COMP: variants seen among roughly 807,000 people sequenced by gnomAD.
The protein encoded by COMP is cartilage oligomeric matrix protein.
A neutral mutation model predicts 95.8 loss-of-function variants in COMP; 79 were observed. The observed-to-expected ratio is 0.82, with a 90% CI of 0.69 to 0.99. COMP has a LOEUF of 0.99. Ranked by LOEUF, COMP falls within the 50% of genes least tolerant of loss-of-function variation. The probability of loss-of-function intolerance (pLI) is 0.00; values close to 1 mark genes in which losing one functional copy is unlikely to be tolerated. For missense variants in COMP, 906 were observed against 1,076.1 expected (o/e 0.84, Z 2.21); for synonymous variants, 438 against 433.9 (o/e 1.01, Z -0.12).
chr19:18,788,637 C>T lies in COMP; in HGVS notation c.717G>A (p.Glu239=). The T allele has an allele frequency of 6.5e-7, 1 of 1,547,410 alleles. No homozygotes were observed. The highest frequency in any genetic ancestry group is 1.4e-5 in the African/African-American group (1 of 73,166). ...CPDGSPSECH[E]HADCVLERDG... is the part of the protein sequence containing the mutation. ...CGCGCTCTAGGACGCAGTCTGCATG[C>T]TCGTGGCACTCGCTGGGCGAGCCGT... is the stretch of plus-strand genomic sequence containing the variant. Residue 239 remains glutamate, a synonymous_variant, in exon 7 of 19, where the codon GAG becomes GAA. Coordinates refer to ENST00000222271, the MANE Select transcript of COMP (RefSeq NM_000095.3). The surrounding 1 kb of genome is among the most constrained non-coding windows in gnomAD (Gnocchi z 4.7).
chr19:18,791,028 C>G, intron 1 of COMP, 93 bp from the exon 2 acceptor site: 1 of 1,522,646 alleles, frequency 6.6e-7, no homozygotes. Context: ...CTCCGAGGCC[C>G]CACTGCGCTC....
chr19:18,786,093 C>G lies in COMP; in HGVS notation c.1361G>C (p.Ser454Thr). ...ATCGTGGTCTGAGTCCTCCTGGGCACTGTTAGGCACCGTGGGACAGTTGTC... is the reference window on the plus strand; with the variant it reads ...ATCGTGGTCTGAGTCCTCCTGGGCAGTGTTAGGCACCGTGGGACAGTTGTC... Reference protein sequence around the residue: ...SRDNCPTVPNSAQEDSDHDGQ... With the variant: ...SRDNCPTVPNTAQEDSDHDGQ... The change falls in exon 13 of 19, where the codon AGT becomes ACT. Residue 454 changes from serine to threonine, a missense_variant. Coordinates refer to ENST00000222271, the MANE Select transcript of COMP (RefSeq NM_000095.3). 6.2e-7 allele frequency: 1 copy of G among 1,614,176 alleles called. No homozygotes were observed. The highest frequency in any genetic ancestry group is 8.5e-7 in the Non-Finnish European group (1 of 1,180,044).
At chr19:18,790,291 C>A (rs1044238725) in intron 3 of COMP, among the ~76,000 whole-genome samples, 177 bp from the exon 4 acceptor site, 7 of 150,376 alleles carry the variant, frequency 4.7e-5, no homozygotes, top group Non-Finnish European at 8.9e-5. Flanking sequence ...GCGCTCTGAC[C>A]GCGGGGTCTC....
intron 10 of COMP, chr19:18,787,162 G>A (rs971645856): frequency 4.3e-6 from 2 of 461,944 alleles, no homozygotes; most frequent in African/African-American, 2.0e-5. Flanking sequence ...CTGGGTGCCC[G>A]TGTGTGCCAC....
rs779823081 is a variant in COMP, at chr19:18,787,524, C to T, written c.1102G>A (p.Gly368Ser). The change falls in exon 10 of 19, where the codon GGC (glycine) becomes AGC (serine). Residue 368 changes from glycine (G) to serine (S), a missense_variant. Physicochemically the swap from Gly to Ser is moderately conservative, Grantham distance 56. Transcript: ENST00000222271. ...DQKDTDQDGR[G>S]DACDDDIDGD... Reference sequence around the variant, plus strand: ...TCGATGTCGTCGTCGCACGCATCGCCCCGGCCGTCCTGGTCTGTGTCCTTT... The same window carrying T: ...TCGATGTCGTCGTCGCACGCATCGCTCCGGCCGTCCTGGTCTGTGTCCTTT... The T allele has an allele frequency of 2.5e-6, 4 of 1,613,718 alleles. No homozygotes were observed. Among genetic ancestry groups the T allele is most frequent in the Non-Finnish European group, 3.4e-6 (4 of 1,180,040 alleles).
In COMP at chr19:18,785,526, T is replaced by C; in HGVS notation, c.1689A>G (p.Thr563=). 1 of 1,613,976 alleles carries C rather than the reference T, an allele frequency of 6.2e-7. No homozygotes were observed. The highest frequency in any genetic ancestry group is 8.5e-7 in the Non-Finnish European group (1 of 1,180,012). The change falls in exon 15 of 19, where the codon ACA becomes ACG. Residue 563 remains threonine, a synonymous_variant. Coordinates refer to ENST00000222271, the MANE Select transcript of COMP (RefSeq NM_000095.3). ...CAGCCAGGCCTGGGTCGCTGTTCATTGTCTGCACGATCTCCCTTCCCTGAT... is the reference window on the plus strand; with the variant it reads ...CAGCCAGGCCTGGGTCGCTGTTCATCGTCTGCACGATCTCCCTTCCCTGAT... ...VLNQGREIVQ[T]MNSDPGLAVG... is the part of the protein sequence containing the mutation.
intron 11 of COMP, 26 bp from the exon 12 acceptor site, chr19:18,786,317 CA>C: frequency 6.2e-7 from 1 of 1,613,524 alleles, no homozygotes; most frequent in Non-Finnish European, 8.5e-7. Context: ...TGCGGGGGTC[CA>C]TAATCAGACA....
intron 9 of COMP, 78 bp from the exon 10 acceptor site, chr19:18,787,728 A>G: frequency 6.3e-7 from 1 of 1,588,950 alleles, no homozygotes; most frequent in Non-Finnish European, 8.6e-7. Context: ...CAAATCTCCG[A>G]GGACGCGTCT....
In COMP at chr19:18,788,279, A is replaced by G. The variant is rs746239398; in HGVS notation, c.908T>C (p.Val303Ala). The G allele has an allele frequency of 1.2e-6, 2 of 1,612,964 alleles. No individual in the cohort carries two copies. The highest frequency in any genetic ancestry group is 2.7e-5 in the African/African-American group (2 of 74,906). Residue 303 changes from valine (V) to alanine (A), a missense_variant, in exon 9 of 19, where the codon GTG becomes GCG. By Grantham distance (64) the Val-to-Ala change is moderately conservative. Coordinates refer to ENST00000222271, the MANE Select transcript of COMP (RefSeq NM_000095.3). This position sits in a 1 kb window ranked among gnomAD's most constrained non-coding sequence, Gnocchi z 4.7. ...GGCGTCTCCGATGCCATCGCGGTCCACATCCTCCTGCCCTGAGTTGGGCAC... is the reference window on the plus strand; with the variant it reads ...GGCGTCTCCGATGCCATCGCGGTCCGCATCCTCCTGCCCTGAGTTGGGCAC... ...VTVPNSGQED[V>A]DRDGIGDACD...
chr19:18,783,673 G>C (rs567344403), intron 17 of COMP, among the ~76,000 whole-genome samples: 3 of 149,850 alleles, frequency 2.0e-5, no homozygotes, highest in Non-Finnish European at 4.4e-5. Context: ...GCAATGGCAC[G>C]ATCTCCACTC....
rs769571018 is a variant in COMP at position 18,790,833 on chromosome 19, G to A, written c.165+17C>T. Reference sequence around the variant, plus strand: ...TCCGTTCCCTGGCACTCCCTGCCCCGCACCCGGGCCCCGCACCTGCTGCCG... The same window carrying A: ...TCCGTTCCCTGGCACTCCCTGCCCCACACCCGGGCCCCGCACCTGCTGCCG... On this transcript the variant is annotated intron_variant, in intron 2 of 18. Transcript: ENST00000222271. The A allele has an allele frequency of 5.3e-5, 83 of 1,553,748 alleles. No homozygotes were observed. Among genetic ancestry groups the A allele is most frequent in the Non-Finnish European group, 6.6e-5 (76 of 1,152,734 alleles).
chr19:18,785,571 C>T (rs1014333535), intron 14 of COMP, 25 bp from the exon 15 acceptor site: 3 of 1,613,896 alleles, frequency 1.9e-6, no homozygotes, highest in African/African-American at 2.7e-5. Flanking sequence ...GAAAGGAGGG[C>T]CTCAGGCTGG....
intron 12 of COMP, 24 bp downstream of exon 12, chr19:18,786,215 G>T (rs2055166203): frequency 6.2e-7 from 1 of 1,613,992 alleles, no homozygotes; most frequent in African/African-American, 1.3e-5. Flanking sequence ...CTACCCGGAC[G>T]CCCACCCCAG....
rs560887859 is a variant in COMP at position 18,789,572 on chromosome 19, G to C, written c.391-275C>G. On this transcript the variant is annotated intron_variant, in intron 4 of 18. Transcript: ENST00000222271. This position sits in a 1 kb window ranked among gnomAD's most constrained non-coding sequence, Gnocchi z 6.1. ...AGAGGGGGGCAGGGGTCGTCGGGGCGTGCGTGCCCGGCGGTGGCGGGGGGT... is the reference window on the plus strand; with the variant it reads ...AGAGGGGGGCAGGGGTCGTCGGGGCCTGCGTGCCCGGCGGTGGCGGGGGGT... 8.3e-4 allele frequency among the ~76,000 whole-genome samples: 126 copies of C among 152,022 alleles called. 1 individual carries two copies. Among genetic ancestry groups the C allele is most frequent in the African/African-American group, 3.0e-3 (124 of 41,454 alleles).
chr19:18,789,804 G>A lies in COMP; in HGVS notation c.390+138C>T. 8.9e-7 allele frequency: 1 copy of A among 1,122,728 alleles called. No homozygotes were observed. The highest frequency in any genetic ancestry group is 2.8e-4 in the Middle Eastern group (1 of 3,584). The allele number at this position is 1,122,728 out of a possible 1,614,324, so 69.5% of individuals were successfully genotyped here. A position where few individuals can be genotyped will look rare whatever the true frequency, so the allele number is the denominator to read the frequency against. On this transcript the variant is annotated intron_variant, in intron 4 of 18. Coordinates refer to ENST00000222271, the MANE Select transcript of COMP (RefSeq NM_000095.3). This position sits in a 1 kb window ranked among gnomAD's most constrained non-coding sequence, Gnocchi z 6.1. Reference sequence around the variant, plus strand: ...GGCGTCCCCCCGCGGTAAGGAGGTAGTCTGGCCGTGCGCCCCCGGAGGTGA... The same window carrying A: ...GGCGTCCCCCCGCGGTAAGGAGGTAATCTGGCCGTGCGCCCCCGGAGGTGA...
rs566112479 is a variant in COMP at position 18,785,709 on chromosome 19, G to T, written c.1632C>A (p.Asp544Glu). 3.7e-6 allele frequency: 6 copies of T among 1,613,364 alleles called. No individual in the cohort carries two copies. The highest frequency in any genetic ancestry group is 3.3e-5 in the Admixed American group (2 of 60,028). ...CCACCCAGTTGGGGTCAATCTGCGC[G>T]TCACCCTCCGGGTCCAGCACGACTG... ...FQTVVLDPEG[D>E]AQIDPNWVVL... The change falls in exon 14 of 19, where the codon GAC becomes GAA. Residue 544 changes from aspartate to glutamate, a missense_variant. Physicochemically the swap from Asp to Glu is conservative, Grantham distance 45. Coordinates refer to ENST00000222271, the MANE Select transcript of COMP (RefSeq NM_000095.3).
At position 18,789,239 on chromosome 19, in the gene COMP, C is replaced by T; in HGVS notation, c.449G>A (p.Arg150His). 6.5e-7 allele frequency: 1 copy of T among 1,528,544 alleles called. No individual in the cohort carries two copies. The highest frequency in any genetic ancestry group is 2.3e-5 in the East Asian group (1 of 43,944). 94.7% of individuals were successfully genotyped at this position (1,528,544 alleles called of 1,614,324 possible). A position where few individuals can be genotyped will look rare whatever the true frequency, so the allele number is the denominator to read the frequency against. The change falls in exon 5 of 19, where the codon CGC (arginine) becomes CAC (histidine). Residue 150 changes from arginine to histidine, a missense_variant. Arg to His is a conservative substitution (Grantham distance 29). Coordinates refer to ENST00000222271, the MANE Select transcript of COMP (RefSeq NM_000095.3). This position sits in a 1 kb window ranked among gnomAD's most constrained non-coding sequence, Gnocchi z 6.1. ...VRCINTSPGF[R>H]CEACPPGYSG... ...GTACCCCGGCGGGCAAGCCTCGCAG[C>T]GGAACCCCGGGCTGGTGTTGATACA... is the stretch of plus-strand genomic sequence containing the variant.
intron 11 of COMP, 28 bp from the exon 12 acceptor site, chr19:18,786,319 T>G: frequency 1.2e-6 from 2 of 1,613,360 alleles, no homozygotes; most frequent in Non-Finnish European, 1.7e-6. Context: ...CGGGGGTCCA[T>G]AATCAGACAG....
rs371148267 is a variant in COMP, at chr19:18,784,331, C to T, written c.1947G>A (p.Gln649=). The change falls in exon 17 of 19, where the codon CAG becomes CAA. Residue 649 remains glutamine, a synonymous_variant. Transcript: ENST00000222271. This position sits in a 1 kb window ranked among gnomAD's most constrained non-coding sequence, Gnocchi z 4.9. ...CTGTATGCCACAGAGCGTTCCGCAG[C>T]TGTTCCCCGGGGCCTGTGGAAGACT... is the stretch of plus-strand genomic sequence containing the variant. ...AVKSSTGPGE[Q]LRNALWHTGD... The T allele has an allele frequency of 1.2e-6, 2 of 1,613,968 alleles. No homozygotes were observed. The highest frequency in any genetic ancestry group is 1.7e-6 in the Non-Finnish European group (2 of 1,180,054).
Sources: allele counts gnomAD v4.1 joint callset (sites outside exome capture counted in the v4.1 genomes callset), GRCh38; gene constraint gnomAD v4.1.1; non-coding constraint Gnocchi (gnomAD v3.1); transcripts MANE v1.5; gene names NCBI Gene and HGNC (gene_info 2026-07-23, HGNC 2026-07-21).